B4GALNT3: variants seen among roughly 807,000 people sequenced by gnomAD.
B4GALNT3 encodes beta-1,4-N-acetyl-galactosaminyltransferase 3, also known as beta-1,4-N-acetylgalactosaminyltransferase 3.
Under a neutral mutation model 120.2 loss-of-function variants are expected in B4GALNT3, and 86 were observed. That is an observed-to-expected ratio of 0.72 (90% CI 0.60 to 0.86). The LOEUF (loss-of-function observed/expected upper bound fraction) is 0.86, where lower values mean the gene tolerates loss of function less well. Ranked by LOEUF, B4GALNT3 falls within the 40% of genes least tolerant of loss-of-function variation. B4GALNT3 has a pLI of 0.00. For missense variants in B4GALNT3, 1,167 were observed against 1,298.9 expected (o/e 0.90, Z 1.56); for synonymous variants, 518 against 510.4 (o/e 1.01, Z -0.20).
intron 1 of B4GALNT3, among the ~76,000 whole-genome samples, chr12:511,121 C>G (rs1946545335): frequency 7.1e-6 from 1 of 140,290 alleles, no homozygotes; most frequent in Non-Finnish European, 1.5e-5. Flanking sequence ...TTTCTGCCTG[C>G]CAAGCTCAAG....
At chr12:525,563 C>T (rs1222158633) in intron 1 of B4GALNT3, among the ~76,000 whole-genome samples, 2 of 152,160 alleles carry the variant, frequency 1.3e-5, no homozygotes, top group Admixed American at 6.5e-5. Flanking sequence ...CATTCTGGTT[C>T]CTTCTCTTTG....
intron 1 of B4GALNT3, among the ~76,000 whole-genome samples, chr12:530,254 C>T (rs1445638639): frequency 6.6e-6 from 1 of 152,258 alleles, no homozygotes; most frequent in African/African-American, 2.4e-5. Flanking sequence ...ATGGCCCTGG[C>T]GTGTGATGGG....
intron 1 of B4GALNT3, among the ~76,000 whole-genome samples, chr12:464,079 C>T (rs12311956): frequency 0.015 from 2,209 of 152,210 alleles, 58 homozygotes; most frequent in South Asian, 0.093. Context: ...GCTGCTGGGT[C>T]GTGAAGCTGT....
intron 1 of B4GALNT3, among the ~76,000 whole-genome samples, chr12:514,868 A>C (rs1946637541): frequency 6.6e-6 from 1 of 151,994 alleles, no homozygotes; most frequent in African/African-American, 2.4e-5. Flanking sequence ...GTCTCCACTA[A>C]AAATACAAAA....
intron 1 of B4GALNT3, among the ~76,000 whole-genome samples, chr12:463,630 C>T (rs754576024): frequency 1.4e-4 from 21 of 152,094 alleles, no homozygotes; most frequent in Non-Finnish European, 2.5e-4. Context: ...AAACATAGGA[C>T]GCATATGTTT....
chr12:466,418 C>T (rs553206584), intron 1 of B4GALNT3, among the ~76,000 whole-genome samples: 1 of 152,296 alleles, frequency 6.6e-6, no homozygotes, highest in Admixed American at 6.5e-5. Context: ...TCAAAAACTA[C>T]GCTTTTATTT....
chr12:553,492 C>A lies in B4GALNT3; in HGVS notation c.1569C>A (p.Ser523Arg), dbSNP rs1354084619. ...AGCAAAAACCCAGCCCTGAGCCCAGCCAAGATTCACCTCATTCCGACAAGT... is the reference window on the plus strand; with the variant it reads ...AGCAAAAACCCAGCCCTGAGCCCAGACAAGATTCACCTCATTCCGACAAGT... The part of the protein sequence containing the change: ...KRKQKPSPEP[S>R]QDSPHSDKWP... The change falls in exon 14 of 20, where the codon AGC becomes AGA. Residue 523 changes from serine (S) to arginine (R), a missense_variant. By Grantham distance (110) the Ser-to-Arg change is moderately radical. This residue lies in a region of B4GALNT3 where 983 missense variants were observed against 1,102.5 expected (regional missense o/e 0.89). Coordinates refer to ENST00000266383, the MANE Select transcript of B4GALNT3 (RefSeq NM_173593.4). 9 of 1,614,160 alleles carry A rather than the reference C, an allele frequency of 5.6e-6. No homozygotes were observed. In the South Asian group the frequency reaches 9.9e-5, roughly 18 times the overall value.
chr12:505,639 T>A lies in B4GALNT3; in HGVS notation c.170-29527T>A, dbSNP rs921955150. 2.6e-5 allele frequency among the ~76,000 whole-genome samples: 4 copies of A among 152,202 alleles called. No individual in the cohort carries two copies. The East Asian group carries it at 7.7e-4, about 29-fold the overall frequency. On this transcript the variant is annotated intron_variant, in intron 1 of 19. Transcript: ENST00000266383. The stretch of plus-strand genomic sequence containing the variant: ...TGCTTTCCTGTCCATTTTCAGAATG[T>A]TCCCACTGCATGAAGTATTGTCTCC...
At chr12:499,633 C>G (rs113006347) in intron 1 of B4GALNT3, among the ~76,000 whole-genome samples, 181 of 111,324 alleles carry the variant, frequency 1.6e-3, no homozygotes, top group African/African-American at 6.0e-3. Context: ...ATCTAGAACA[C>G]TCCTAGCCCG....
In B4GALNT3 at chr12:460,294, G is replaced by T. The variant is rs1946006648; in HGVS notation, c.-83G>T. On this transcript the variant is annotated 5_prime_UTR_variant, in exon 1 of 20. Transcript: ENST00000266383. The surrounding 1 kb of genome is among the most constrained non-coding windows in gnomAD (Gnocchi z 8.0). ...GAGACGCTGGGCCGGGACGCGGGGC[G>T]CCCTGGGCGCGGGGCCCGGCCGGGG... 1.1e-6 allele frequency: 1 copy of T among 935,436 alleles called. No individual in the cohort carries two copies. The highest frequency in any genetic ancestry group is 1.3e-6 in the Non-Finnish European group (1 of 786,468). The allele number at this position is 935,436 out of a possible 1,614,324, so 57.9% of individuals were successfully genotyped here.
chr12:557,528 G>A (rs887365038), intron 15 of B4GALNT3, 80 bp from the exon 16 acceptor site: 1 of 1,473,456 alleles, frequency 6.8e-7, no homozygotes, highest in East Asian at 2.3e-5. Context: ...TGACTCACCT[G>A]GGAGCTGGGG....
chr12:478,428 C>T (rs1369114399), intron 1 of B4GALNT3, among the ~76,000 whole-genome samples: 1 of 152,050 alleles, frequency 6.6e-6, no homozygotes, highest in Admixed American at 6.6e-5. Context: ...GAAATACCAC[C>T]TGTCTGTTTT....
intron 4 of B4GALNT3, 79 bp downstream of exon 4, chr12:544,513 A>C: frequency 7.7e-7 from 1 of 1,291,934 alleles, no homozygotes; most frequent in Non-Finnish European, 1.1e-6. Context: ...ATCTTTCCTT[A>C]CATCTTTTCT....
intron 5 of B4GALNT3, 158 bp downstream of exon 5, chr12:545,130 A>G: frequency 2.8e-6 from 4 of 1,448,090 alleles, no homozygotes; most frequent in South Asian, 1.5e-5. Context: ...GTCTTGTCCA[A>G]CTCCCACAGG....
At position 552,146 on chromosome 12, in the gene B4GALNT3, C is replaced by T. The variant is rs376136005; in HGVS notation, c.1191C>T (p.Asn397=). Residue 397 remains asparagine (N), a synonymous_variant, in exon 12 of 20, where the codon AAC becomes AAT. Transcript: ENST00000266383. ...ACAATAAATGTTTCTACCAGGAAAA[C>T]GCCTACTACCAAGACCGGTGAGAGA... ...ETHNKCFYQE[N]AYYQDRFSFQ... 45 of 1,610,682 alleles carry T rather than the reference C, an allele frequency of 2.8e-5. No individual in the cohort carries two copies. The highest frequency in any genetic ancestry group is 2.5e-4 in the East Asian group (11 of 44,866).
rs979115806 is a variant in B4GALNT3 at position 557,682 on chromosome 12, C to T, written c.2455C>T (p.His819Tyr). 1.9e-6 allele frequency: 3 copies of T among 1,609,728 alleles called. No individual in the cohort carries two copies. The highest frequency in any genetic ancestry group is 2.5e-6 in the Non-Finnish European group (3 of 1,178,506). Residue 819 changes from histidine to tyrosine, a missense_variant, in exon 16 of 20, where the codon CAC becomes TAC. This residue lies in a region of B4GALNT3 where 983 missense variants were observed against 1,102.5 expected (regional missense o/e 0.89). Coordinates refer to ENST00000266383, the MANE Select transcript of B4GALNT3 (RefSeq NM_173593.4). ...ENLFQVTGDPHFNIVITDYSS... is the reference protein window; with the variant it reads ...ENLFQVTGDPYFNIVITDYSS... ...CCTGTTCCAGGTCACCGGTGACCCACACTTCAACATCGTCATCACTGACTA... is the reference window on the plus strand; with the variant it reads ...CCTGTTCCAGGTCACCGGTGACCCATACTTCAACATCGTCATCACTGACTA...
At chr12:479,131 G>C (rs1219594995) in intron 1 of B4GALNT3, among the ~76,000 whole-genome samples, 1 of 152,194 alleles carries the variant, frequency 6.6e-6, no homozygotes, top group Non-Finnish European at 1.5e-5. Flanking sequence ...AAGCTCAGCA[G>C]GCCACAGGAG....
At chr12:511,311 TCCGCCTTCTGC>T (rs879513378) in intron 1 of B4GALNT3, among the ~76,000 whole-genome samples, 4,855 of 110,704 alleles carry the variant, frequency 0.044, 368 homozygotes, top group Non-Finnish European at 0.053. Context: ...CCTTCCACCT[TCCGCCTTCTGC>T]CTTCCACCTT....
rs545074487 is a variant in B4GALNT3 at position 498,759 on chromosome 12, G to A, written c.170-36407G>A. Among the ~76,000 whole-genome samples, 6 of 152,312 alleles carry A rather than the reference G, an allele frequency of 3.9e-5. No homozygotes were observed. In the South Asian group the frequency reaches 1.0e-3, roughly 26 times the overall value. On this transcript the variant is annotated intron_variant, in intron 1 of 19. Coordinates refer to ENST00000266383, the MANE Select transcript of B4GALNT3 (RefSeq NM_173593.4). ...CGTTTATAACTTTGTCTTTTTGGAT[G>A]TTCCCGCGTCTGTCTTTAAGAGGTT...
Sources: gnomAD v4.1 joint callset for allele counts (sites outside exome capture counted in the v4.1 genomes callset) on GRCh38, gnomAD v4.1.1 for gene constraint, gnomAD v4.1.1 regional missense constraint, Gnocchi (gnomAD v3.1) non-coding constraint, MANE v1.5 for transcripts, NCBI Gene and HGNC (gene_info 2026-07-23, HGNC 2026-07-21) for gene names.